The following THSD7B variants were observed in gnomAD, a reference collection of about 807,000 sequenced individuals.
THSD7B encodes thrombospondin type 1 domain containing 7B, also known as thrombospondin type-1 domain-containing protein 7B.
Under a neutral mutation model 213.6 loss-of-function variants are expected in THSD7B, and 138 were observed. The observed-to-expected ratio is 0.65, with a 90% confidence interval of 0.56 to 0.74. The LOEUF (loss-of-function observed/expected upper bound fraction) is 0.74, where lower values mean the gene tolerates loss of function less well. THSD7B is among the 30% of genes least tolerant of loss of function. THSD7B has a pLI of 0.00. For missense variants in THSD7B, 1,931 were observed against 1,991.5 expected, an observed-to-expected ratio of 0.97 and a Z score of 0.58; for synonymous variants, 742 against 687.0, an observed-to-expected ratio of 1.08 and a Z score of -1.25.
chr2:137,237,232 A>T (rs1681785547), intron 9 of THSD7B, among the ~76,000 whole-genome samples: 1 of 151,922 alleles, frequency 6.6e-6, no homozygotes, highest in Non-Finnish European at 1.5e-5. Context: ...GTTCCCTTTT[A>T]TGGAGAGCAT....
At chr2:137,246,765 C>CT (rs70978210) in intron 10 of THSD7B, among the ~76,000 whole-genome samples, 7,684 of 145,928 alleles carry the variant, frequency 0.053, 646 homozygotes, top group African/African-American at 0.18. Flanking sequence ...TTCCTTTGTA[C>CT]TTTTTTTTTT....
At chr2:137,522,426 T>A (rs1383345741) in intron 15 of THSD7B, among the ~76,000 whole-genome samples, 1 of 152,248 alleles carries the variant, frequency 6.6e-6, no homozygotes, top group Non-Finnish European at 1.5e-5. Context: ...CTTGCATGCA[T>A]GTCTTTCTTC....
intron 7 of THSD7B, among the ~76,000 whole-genome samples, chr2:137,200,399 A>G (rs1680850829): frequency 6.6e-6 from 1 of 150,752 alleles, no homozygotes; most frequent in African/African-American, 2.4e-5. Context: ...TTTTAGGCCA[A>G]CCTTCCCATT....
chr2:137,265,699 A>G (rs1201275894), intron 10 of THSD7B, among the ~76,000 whole-genome samples: 1 of 152,196 alleles, frequency 6.6e-6, no homozygotes, highest in Non-Finnish European at 1.5e-5. Flanking sequence ...ACACATTTGA[A>G]ATGCAATCCT....
intron 15 of THSD7B, among the ~76,000 whole-genome samples, chr2:137,528,340 C>T (rs978159275): frequency 3.9e-5 from 6 of 152,084 alleles, no homozygotes; most frequent in African/African-American, 1.2e-4. Flanking sequence ...GCTGCCATGT[C>T]ATTTCAACCC....
intron 20 of THSD7B, among the ~76,000 whole-genome samples, chr2:137,630,805 G>C (rs563653608): frequency 5.9e-5 from 9 of 152,202 alleles, no homozygotes; most frequent in African/African-American, 2.2e-4. Flanking sequence ...ACAGGAAGAG[G>C]TAGAGTTTAT....
chr2:136,841,546 G>A (rs1246439937), intron 1 of THSD7B, among the ~76,000 whole-genome samples: 65 of 138,538 alleles, frequency 4.7e-4, no homozygotes, highest in African/African-American at 1.5e-3. Flanking sequence ...GCAGTGAGCC[G>A]AGATTGCGCC....
At chr2:136,780,439 C>G (rs1054099212) in intron 1 of THSD7B, among the ~76,000 whole-genome samples, 3 of 152,208 alleles carry the variant, frequency 2.0e-5, no homozygotes, top group African/African-American at 7.2e-5. Flanking sequence ...TGGTGAGACA[C>G]AAACATTCAG....
intron 12 of THSD7B, among the ~76,000 whole-genome samples, chr2:137,339,526 A>G (rs1684710858): frequency 6.6e-6 from 1 of 151,928 alleles, no homozygotes; most frequent in African/African-American, 2.4e-5. Context: ...TAATAATTCA[A>G]AACACAAATG....
chr2:137,167,874 G>T (rs12104489), intron 6 of THSD7B, among the ~76,000 whole-genome samples: 39,236 of 152,014 alleles, frequency 0.26, 6,267 homozygotes, highest in East Asian at 0.74. Flanking sequence ...TGCCTTTCAG[G>T]TTCACTTTAT....
At chr2:137,256,853 T>C (rs1264005379) in intron 10 of THSD7B, among the ~76,000 whole-genome samples, 3 of 152,168 alleles carry the variant, frequency 2.0e-5, no homozygotes, top group Non-Finnish European at 4.4e-5. Context: ...TTCTGTTACT[T>C]ATAACAAAAT....
chr2:137,675,152 T>C (rs1190866381), intron 27 of THSD7B, among the ~76,000 whole-genome samples: 1 of 151,984 alleles, frequency 6.6e-6, no homozygotes, highest in African/African-American at 2.4e-5. Flanking sequence ...AATTGATGAA[T>C]GGCTACCAGG....
chr2:137,661,607 AT>A (rs1191274915), intron 25 of THSD7B, among the ~76,000 whole-genome samples: 1 of 152,080 alleles, frequency 6.6e-6, no homozygotes, highest in Non-Finnish European at 1.5e-5. Context: ...GAATGTACTT[AT>A]GCTTGTACTG....
intron 2 of THSD7B, among the ~76,000 whole-genome samples, chr2:136,930,228 G>A (rs768764233): frequency 6.6e-6 from 1 of 152,168 alleles, no homozygotes; most frequent in South Asian, 2.1e-4. Flanking sequence ...AGTATGAGTT[G>A]CATATAAAAA....
chr2:136,994,765 G>A (rs1685851865), intron 2 of THSD7B, among the ~76,000 whole-genome samples: 1 of 152,114 alleles, frequency 6.6e-6, no homozygotes, highest in Non-Finnish European at 1.5e-5. Flanking sequence ...TAAATAATAA[G>A]CATCAATACT....
chr2:137,275,929 G>A lies in THSD7B; in HGVS notation c.2403G>A (p.Lys801=). 6.2e-7 allele frequency: 1 copy of A among 1,610,778 alleles called. No individual in the cohort carries two copies. Among genetic ancestry groups the A allele is most frequent in the Non-Finnish European group, 8.5e-7 (1 of 1,178,284 alleles). ...DVSLCPVYRW[K]PQKWSPCILV... The stretch of plus-strand genomic sequence containing the variant: ...TCGTTTTTGGTAATCACAGGTGGAA[G>A]CCACAGAAATGGAGCCCTTGCATCT... Residue 801 remains lysine, a synonymous_variant, in exon 12 of 28, where the codon AAG becomes AAA. Transcript: ENST00000409968.
intron 12 of THSD7B, among the ~76,000 whole-genome samples, chr2:137,284,009 G>C (rs60142738): frequency 0.06 from 9,197 of 152,106 alleles, 471 homozygotes; most frequent in African/African-American, 0.14. Flanking sequence ...GTAGAATTCA[G>C]CTGTGAATCC....
At chr2:137,579,874 A>T (rs1464179919) in intron 17 of THSD7B, among the ~76,000 whole-genome samples, 1 of 152,088 alleles carries the variant, frequency 6.6e-6, no homozygotes, top group Non-Finnish European at 1.5e-5. Context: ...CTTCACTCTC[A>T]TTTTAATCCT....
At chr2:136,996,331 CTT>C in intron 2 of THSD7B, among the ~76,000 whole-genome samples, 1 of 152,022 alleles carries the variant, frequency 6.6e-6, no homozygotes, top group South Asian at 2.1e-4. Context: ...CTTTCTTTTT[CTT>C]TTTTTCTTTT....
Sources: gnomAD v4.1 joint callset for allele counts (sites outside exome capture counted in the v4.1 genomes callset) on GRCh38, gnomAD v4.1.1 for gene constraint, MANE v1.5 for transcripts, NCBI Gene and HGNC (gene_info 2026-07-23, HGNC 2026-07-21) for gene names.